HYDIN: variants seen among roughly 807,000 people sequenced by gnomAD.
The protein encoded by HYDIN is HYDIN axonemal central pair apparatus protein.
A neutral mutation model predicts 403.9 loss-of-function variants in HYDIN; 132 were observed. The ratio of observed to expected loss-of-function variants is 0.33; its 90% CI spans 0.28 to 0.38. The LOEUF (loss-of-function observed/expected upper bound fraction) is 0.38, where lower values mean the gene tolerates loss of function less well. HYDIN is among the 10% of genes least tolerant of loss of function. The pLI, the probability that HYDIN is intolerant of heterozygous loss-of-function variation, is 1.00. For synonymous variants in HYDIN, 1,202 were observed against 1,891.7 expected (o/e 0.64, Z 9.46); for missense variants, 2,827 against 5,009.5 (o/e 0.56, Z 13.15).
rs1011929957 is a variant in HYDIN at position 70,896,168 on chromosome 16, C to T, written c.9049-88G>A. 8.5e-6 allele frequency: 13 copies of T among 1,523,552 alleles called. No homozygotes were observed. In the African/African-American group the frequency reaches 1.7e-4, roughly 20 times the overall value. 94.4% of individuals were successfully genotyped at this position (1,523,552 alleles called of 1,614,324 possible). On this transcript the variant is annotated intron_variant, in intron 53 of 85. Coordinates refer to ENST00000393567, the MANE Select transcript of HYDIN (RefSeq NM_001270974.2). ...ATGTAATATCCTAACGGGGATACGG[C>T]AGGGAACGTTTTGAAGTGTATTCCC...
chr16:71,021,781 C>T (rs2080505201), intron 21 of HYDIN, among the ~76,000 whole-genome samples: 1 of 152,150 alleles, frequency 6.6e-6, no homozygotes, highest in Admixed American at 6.5e-5. Flanking sequence ...TGCCTTTTCT[C>T]TTTGTGCCAA....
intron 65 of HYDIN, among the ~76,000 whole-genome samples, chr16:70,871,655 C>G (rs1015366198): frequency 6.6e-6 from 1 of 150,446 alleles, no homozygotes; most frequent in Non-Finnish European, 1.5e-5. Context: ...TCCACAGAAC[C>G]CATCACCCCC....
chr16:71,068,595 CAACAACAACA>C (rs1411134729), intron 14 of HYDIN, among the ~76,000 whole-genome samples: 1 of 151,110 alleles, frequency 6.6e-6, no homozygotes, highest in African/African-American at 2.4e-5. Context: ...TGGGAAGCAA[CAACAACAACA>C]AACAACAACA....
At chr16:71,227,285 C>T (rs1598079882) in intron 1 of HYDIN, among the ~76,000 whole-genome samples, 1 of 151,874 alleles carries the variant, frequency 6.6e-6, no homozygotes, top group Non-Finnish European at 1.5e-5. Flanking sequence ...CATTAATCAC[C>T]AGGAAATGCA....
intron 10 of HYDIN, among the ~76,000 whole-genome samples, chr16:71,105,401 T>C (rs2083584412): frequency 1.3e-5 from 2 of 149,380 alleles, no homozygotes; most frequent in Admixed American, 1.3e-4. Context: ...ATATGTAGCA[T>C]ATTACTTACT....
rs562572661 is a variant in HYDIN at position 71,074,197 on chromosome 16, A to G, written c.1739-4695T>C. Among the ~76,000 whole-genome samples, 288 of 151,696 alleles carry G rather than the reference A, an allele frequency of 1.9e-3. 1 individual carries two copies. Among genetic ancestry groups the G allele is most frequent in the Middle Eastern group, 3.4e-3 (1 of 294 alleles). Reference sequence around the variant, plus strand: ...TGCAAACCTTTTTAAACCCCACATAATATGTCCATCATTCTGAAATAACTA... The same window carrying G: ...TGCAAACCTTTTTAAACCCCACATAGTATGTCCATCATTCTGAAATAACTA... On this transcript the variant is annotated intron_variant, in intron 13 of 85. Coordinates refer to ENST00000393567, the MANE Select transcript of HYDIN (RefSeq NM_001270974.2).
intron 18 of HYDIN, among the ~76,000 whole-genome samples, chr16:71,056,518 CCT>C (rs1272901696): frequency 6.6e-6 from 1 of 151,982 alleles, no homozygotes; most frequent in Admixed American, 6.6e-5. Flanking sequence ...TCTCCTGACC[CCT>C]CTGGCTGATA....
intron 28 of HYDIN, 56 bp from the exon 29 acceptor site, chr16:70,981,624 A>G: frequency 3.3e-6 from 5 of 1,499,984 alleles, no homozygotes; most frequent in Non-Finnish European, 4.5e-6. Flanking sequence ...TACAGGTTCA[A>G]CTCATTAAAT....
intron 9 of HYDIN, among the ~76,000 whole-genome samples, chr16:71,127,245 G>A (rs1224422470): frequency 6.7e-6 from 1 of 150,004 alleles, no homozygotes; most frequent in Admixed American, 6.6e-5. Context: ...AATAGCACAG[G>A]AGGAAAACAA....
chr16:70,939,383 A>T (rs981917154), intron 43 of HYDIN, among the ~76,000 whole-genome samples: 34 of 152,182 alleles, frequency 2.2e-4, no homozygotes. Context: ...GAAAATAATT[A>T]CCACTTCTCA....
chr16:70,817,351 A>G (rs2035905016), intron 84 of HYDIN: 1 of 149,992 alleles, frequency 6.7e-6, no homozygotes, highest in African/African-American at 2.5e-5. Context: ...ACGTATGCCT[A>G]TGCGCATTGG....
Position 71,030,055 on chromosome 16 carries a change from A to G in HYDIN, c.2768+1624T>C, listed in dbSNP as rs906996741. On this transcript the variant is annotated intron_variant, in intron 19 of 85. Transcript: ENST00000393567. ...GCACTCAAACCTCATATATATATTT[A>G]TTTATTTAATTTGAGATGAAGTCTT... Among the ~76,000 whole-genome samples, 39 of 152,086 alleles carry G rather than the reference A, an allele frequency of 2.6e-4. 1 individual carries two copies. Among genetic ancestry groups the G allele is most frequent in the Non-Finnish European group, 4.3e-4 (29 of 68,018 alleles).
At chr16:71,205,384 CTCTCT>C (rs1246521737) in intron 1 of HYDIN, among the ~76,000 whole-genome samples, 2 of 152,206 alleles carry the variant, frequency 1.3e-5, no homozygotes, top group African/African-American at 4.8e-5. Flanking sequence ...GGGATTCATG[CTCTCT>C]ACAGACGCCT....
intron 23 of HYDIN, among the ~76,000 whole-genome samples, chr16:70,994,501 A>T (rs2079465336): frequency 6.6e-6 from 1 of 151,974 alleles, no homozygotes; most frequent in Non-Finnish European, 1.5e-5. Flanking sequence ...AGATGTCTCT[A>T]GCTGACTTTA....
chr16:70,947,376 C>A (rs2077904882), intron 41 of HYDIN, among the ~76,000 whole-genome samples: 1 of 151,916 alleles, frequency 6.6e-6, no homozygotes, highest in African/African-American at 2.4e-5. Flanking sequence ...AGCCTTGCAT[C>A]CCAGGGATGA....
At chr16:70,894,335 C>T (rs1597246367) in intron 55 of HYDIN, 114 bp downstream of exon 55, 2 of 1,485,562 alleles carry the variant, frequency 1.3e-6, no homozygotes, top group Non-Finnish European at 1.8e-6. Flanking sequence ...CCACGGTGGA[C>T]TTGACGGCCG....
chr16:71,066,795 G>A, intron 15 of HYDIN: 1 of 448,930 alleles, frequency 2.2e-6, no homozygotes, highest in Non-Finnish European at 4.4e-6. Context: ...TGTTAAAGAT[G>A]AGCCTCATCT....
chr16:70,902,815 A>ATTT (rs2076422742), intron 52 of HYDIN, among the ~76,000 whole-genome samples: 1 of 16,288 alleles, frequency 6.1e-5, no homozygotes, highest in African/African-American at 2.6e-4. Context: ...ATATATATAT[A>ATTT]TATATATTTT....
At chr16:71,116,065 T>C (rs1272722722) in intron 9 of HYDIN, among the ~76,000 whole-genome samples, 4 of 151,992 alleles carry the variant, frequency 2.6e-5, no homozygotes, top group Non-Finnish European at 4.4e-5. Context: ...CAACATATCA[T>C]ACATTATTAT....
Sources: gnomAD v4.1 joint callset for allele counts (sites outside exome capture counted in the v4.1 genomes callset) on GRCh38, gnomAD v4.1.1 for gene constraint, MANE v1.5 for transcripts, NCBI Gene and HGNC (gene_info 2026-07-23, HGNC 2026-07-21) for gene names.